Variants in UBE2H observed in about 807,000 individuals in gnomAD.
The protein encoded by UBE2H is ubiquitin conjugating enzyme E2 H, also known as ubiquitin-conjugating enzyme E2 H.
A neutral mutation model predicts 29.0 loss-of-function variants in UBE2H; 3 were observed. That is an observed-to-expected ratio of 0.10 (90% confidence interval 0.05 to 0.27). The LOEUF is 0.27. UBE2H is among the 10% of genes least tolerant of loss of function. UBE2H has a pLI of 1.00. For missense variants in UBE2H, 68 were observed against 228.2 expected, an observed-to-expected ratio of 0.30 and a Z score of 4.52; for synonymous variants, 69 against 82.9, an observed-to-expected ratio of 0.83 and a Z score of 0.91.
intron 3 of UBE2H, among the ~76,000 whole-genome samples, chr7:129,862,316 C>T (rs138453908): frequency 6.6e-5 from 10 of 152,324 alleles, no homozygotes; most frequent in African/African-American, 2.4e-4. Flanking sequence ...AATGAAGCAA[C>T]GTCTATGGCA....
chr7:129,849,472 G>T (rs1278401785), intron 5 of UBE2H, among the ~76,000 whole-genome samples: 1 of 152,112 alleles, frequency 6.6e-6, no homozygotes, highest in Admixed American at 6.5e-5. Flanking sequence ...CAGCTACTTG[G>T]GAGGCTGAGG....
chr7:129,856,360 C>T (rs939618290), intron 5 of UBE2H, among the ~76,000 whole-genome samples: 2 of 152,194 alleles, frequency 1.3e-5, no homozygotes, highest in Non-Finnish European at 2.9e-5. Context: ...ACCATTCATT[C>T]TTTCAACCCA....
At chr7:129,949,206 C>G in intron 1 of UBE2H, 1 of 325,744 alleles carries the variant, frequency 3.1e-6, no homozygotes. Flanking sequence ...GTTCCTCCAC[C>G]AGGGAGAACT....
intron 1 of UBE2H, among the ~76,000 whole-genome samples, chr7:129,886,665 C>G (rs1230481387): frequency 6.8e-6 from 1 of 147,462 alleles, no homozygotes; most frequent in Non-Finnish European, 1.5e-5. Context: ...GTGTGGATTT[C>G]TGTGTTCAGA....
intron 1 of UBE2H, among the ~76,000 whole-genome samples, chr7:129,934,413 G>A (rs1353998971): frequency 1.3e-5 from 2 of 150,368 alleles, no homozygotes; most frequent in Non-Finnish European, 3.0e-5. Context: ...CAAGGCGGGT[G>A]GATCACCTGA....
chr7:129,885,062 T>TAA (rs35043856), intron 1 of UBE2H, among the ~76,000 whole-genome samples: 86 of 143,510 alleles, frequency 6.0e-4, no homozygotes, highest in Non-Finnish European at 8.4e-4. Context: ...GAACTTCTCT[T>TAA]AAAAAAAAAA....
intron 1 of UBE2H, among the ~76,000 whole-genome samples, chr7:129,915,321 G>A (rs1260898263): frequency 1.3e-5 from 2 of 152,120 alleles, no homozygotes; most frequent in Non-Finnish European, 2.9e-5. Context: ...CAGATCACGA[G>A]GTCAGGAGAT....
intron 1 of UBE2H, among the ~76,000 whole-genome samples, chr7:129,945,590 C>T (rs1325870617): frequency 6.6e-6 from 1 of 152,174 alleles, no homozygotes; most frequent in Non-Finnish European, 1.5e-5. Context: ...CAAATGTTTA[C>T]CTTCTTTGAT....
intron 5 of UBE2H, among the ~76,000 whole-genome samples, chr7:129,841,029 A>C (rs1805419401): frequency 2.0e-5 from 3 of 152,194 alleles, no homozygotes; most frequent in Admixed American, 1.3e-4. Flanking sequence ...GCTAAACACC[A>C]CAATGCACAG....
At chr7:129,911,455 G>A (rs74589194) in intron 1 of UBE2H, among the ~76,000 whole-genome samples, 9,606 of 151,938 alleles carry the variant, frequency 0.063, 365 homozygotes, top group Non-Finnish European at 0.091. Context: ...TCGGCAATAG[G>A]TAAGTAAACA....
intron 5 of UBE2H, among the ~76,000 whole-genome samples, chr7:129,843,201 G>T (rs1305928273): frequency 6.6e-6 from 1 of 151,812 alleles, no homozygotes; most frequent in African/African-American, 2.4e-5. Flanking sequence ...GGGTTTCACC[G>T]TGTTAGCCAG....
rs765867368 is a variant in UBE2H, at chr7:129,833,683, G to C, written c.*1254C>G. On this transcript the variant is annotated 3_prime_UTR_variant, in exon 7 of 7. Coordinates refer to ENST00000355621, the MANE Select transcript of UBE2H (RefSeq NM_003344.4). Reference sequence around the variant, plus strand: ...CCTATTCGGTCACTCTCTGAAAAAAGCTGGTTTGTTTTTCCCATGTAGAAT... The same window carrying C: ...CCTATTCGGTCACTCTCTGAAAAAACCTGGTTTGTTTTTCCCATGTAGAAT... 1.3e-5 allele frequency: 2 copies of C among 152,092 alleles called. No individual in the cohort carries two copies. The highest frequency in any genetic ancestry group is 2.9e-5 in the Non-Finnish European group (2 of 68,002). The allele number at this position is 152,092 out of a possible 1,614,324, so 9.4% of individuals were successfully genotyped here.
intron 1 of UBE2H, among the ~76,000 whole-genome samples, chr7:129,923,083 G>A (rs1421944797): frequency 6.6e-6 from 1 of 151,806 alleles, no homozygotes; most frequent in Non-Finnish European, 1.5e-5. Flanking sequence ...TGTATTTTTA[G>A]TAGAGACAGG....
At chr7:129,909,457 C>T (rs961858630) in intron 1 of UBE2H, among the ~76,000 whole-genome samples, 6 of 152,174 alleles carry the variant, frequency 3.9e-5, no homozygotes, top group Non-Finnish European at 7.3e-5. Flanking sequence ...CGGTTCAGAG[C>T]CCCAGGTTTG....
intron 3 of UBE2H, among the ~76,000 whole-genome samples, chr7:129,867,203 AT>A (rs1805921767): frequency 6.6e-6 from 1 of 152,158 alleles, no homozygotes; most frequent in Admixed American, 6.5e-5. Flanking sequence ...TCCTGAGAAC[AT>A]GTGCCCCATA....
At chr7:129,948,207 G>C (rs981913545) in intron 1 of UBE2H, among the ~76,000 whole-genome samples, 1 of 151,298 alleles carries the variant, frequency 6.6e-6, no homozygotes, top group African/African-American at 2.4e-5. Flanking sequence ...CCAGGCATGA[G>C]TGCAGTGGCA....
chr7:129,929,762 C>A (rs1807349200), intron 1 of UBE2H, among the ~76,000 whole-genome samples: 1 of 152,168 alleles, frequency 6.6e-6, no homozygotes, highest in African/African-American at 2.4e-5. Flanking sequence ...GTAATCCCAG[C>A]ACTTTGGGAG....
chr7:129,940,853 A>G (rs1228750197), intron 1 of UBE2H, among the ~76,000 whole-genome samples: 1 of 152,248 alleles, frequency 6.6e-6, no homozygotes, highest in Non-Finnish European at 1.5e-5. Flanking sequence ...GTGATACCCA[A>G]TTGAGAATCA....
intron 1 of UBE2H, among the ~76,000 whole-genome samples, chr7:129,901,008 C>A (rs1477931630): frequency 6.6e-6 from 1 of 152,112 alleles, no homozygotes; most frequent in Non-Finnish European, 1.5e-5. Flanking sequence ...CCTTGGCCTC[C>A]CAAAGTGCTG....
Sources: allele counts gnomAD v4.1 joint callset (sites outside exome capture counted in the v4.1 genomes callset), GRCh38; gene constraint gnomAD v4.1.1; transcripts MANE v1.5; gene names NCBI Gene and HGNC (gene_info 2026-07-23, HGNC 2026-07-21).